Variants in USH1C observed in about 807,000 individuals in gnomAD.
The protein encoded by USH1C is USH1 protein network component harmonin.
USH1C carries 90 observed loss-of-function variants against 119.3 expected under a neutral mutation model. The observed-to-expected ratio is 0.75, with a 90% CI of 0.64 to 0.90. USH1C has a LOEUF of 0.90. Ranked by LOEUF, USH1C falls within the 40% of genes least tolerant of loss-of-function variation. The probability of loss-of-function intolerance (pLI) is 0.00; values close to 1 mark genes in which losing one functional copy is unlikely to be tolerated. For missense variants in USH1C, 1,165 were observed against 1,167.7 expected (o/e 1.00, Z 0.03); for synonymous variants, 465 against 443.3 (o/e 1.05, Z -0.62).
At position 17,498,192 on chromosome 11, in the gene USH1C, A is replaced by T. The variant is rs760474010; in HGVS notation, c.2460T>A (p.Ala820=). Residue 820 remains alanine, a synonymous_variant, in exon 24 of 27, where the codon GCT becomes GCA. Transcript: ENST00000005226. The part of the protein sequence containing the change: ...VTDYTLAEAE[A]ALQKAWNQGG... Reference sequence around the variant, plus strand: ...CCTGATTCCAGGCCTTCTGCAGGGCAGCCTCAGCCTCAGCCAGGGTGTAGT... The same window carrying T: ...CCTGATTCCAGGCCTTCTGCAGGGCTGCCTCAGCCTCAGCCAGGGTGTAGT... 1 of 1,614,064 alleles carries T rather than the reference A, an allele frequency of 6.2e-7. No homozygotes were observed. The highest frequency in any genetic ancestry group is 8.5e-7 in the Non-Finnish European group (1 of 1,179,948).
rs2133772801 is a variant in USH1C, at chr11:17,498,264, A to G, written c.2388T>C (p.Ile796=). The G allele has an allele frequency of 6.2e-7, 1 of 1,614,062 alleles. No homozygotes were observed. Among genetic ancestry groups the G allele is most frequent in the African/African-American group, 1.3e-5 (1 of 75,004 alleles). The change falls in exon 24 of 27, where the codon ATT becomes ATC. Residue 796 remains isoleucine, a synonymous_variant. Coordinates refer to ENST00000005226, the MANE Select transcript of USH1C (RefSeq NM_153676.4). ...TTGCCATGATCTCGTCCCCTTTCACAATGCCACCTGCAGGCAGATGAGGCT... is the reference window on the plus strand; with the variant it reads ...TTGCCATGATCTCGTCCCCTTTCACGATGCCACCTGCAGGCAGATGAGGCT... ...ERGAAERHGG[I]VKGDEIMAIN...
intron 19 of USH1C, among the ~76,000 whole-genome samples, chr11:17,505,326 T>A (rs975567338): frequency 6.6e-6 from 1 of 152,276 alleles, no homozygotes; most frequent in Non-Finnish European, 1.5e-5. Flanking sequence ...CCAGGGCACC[T>A]GGAATCTCTG....
chr11:17,539,840 T>C (rs1156320603), intron 1 of USH1C, among the ~76,000 whole-genome samples: 2 of 149,144 alleles, frequency 1.3e-5, no homozygotes, highest in African/African-American at 2.5e-5. Flanking sequence ...TTTCTTTTTT[T>C]TTTTTTTTTT....
At chr11:17,520,300 A>T (rs1377111590) in intron 14 of USH1C, among the ~76,000 whole-genome samples, 1 of 152,196 alleles carries the variant, frequency 6.6e-6, no homozygotes, top group Admixed American at 6.5e-5. Flanking sequence ...GCCCCAGGAC[A>T]GCACAGCCAC....
chr11:17,541,745 G>A (rs1851475337), intron 1 of USH1C, among the ~76,000 whole-genome samples: 1 of 152,220 alleles, frequency 6.6e-6, no homozygotes, highest in Admixed American at 6.5e-5. Context: ...AAAGGGAGTC[G>A]ATGCCTGGAG....
intron 26 of USH1C, chr11:17,495,185 C>T (rs1032426726): frequency 1.3e-5 from 4 of 308,646 alleles, no homozygotes; most frequent in African/African-American, 6.4e-5. Flanking sequence ...CAATTCCAGC[C>T]AGGCTTCCTG....
At chr11:17,536,683 G>C (rs572221772) in intron 1 of USH1C, among the ~76,000 whole-genome samples, 10 of 152,186 alleles carry the variant, frequency 6.6e-5, no homozygotes, top group Non-Finnish European at 1.3e-4. Context: ...CCTGTCCTCA[G>C]TTCTGCCATT....
chr11:17,503,507 C>T (rs1849525659), intron 20 of USH1C, among the ~76,000 whole-genome samples: 2 of 152,168 alleles, frequency 1.3e-5, no homozygotes, highest in African/African-American at 2.4e-5. Context: ...ATATTCACGC[C>T]CAAGGTCACC....
chr11:17,512,284 G>A (rs1849929718), intron 15 of USH1C, among the ~76,000 whole-genome samples: 1 of 152,054 alleles, frequency 6.6e-6, no homozygotes, highest in Non-Finnish European at 1.5e-5. Context: ...TGGCTTATTA[G>A]TTCACTAACT....
chr11:17,506,428 G>A (rs1179483322), intron 18 of USH1C, among the ~76,000 whole-genome samples: 2 of 152,188 alleles, frequency 1.3e-5, no homozygotes, highest in African/African-American at 2.4e-5. Flanking sequence ...GGGAGCTGAC[G>A]CAACCTGTCT....
At chr11:17,518,387 A>C (rs1850252617) in intron 14 of USH1C, among the ~76,000 whole-genome samples, 1 of 152,288 alleles carries the variant, frequency 6.6e-6, no homozygotes, top group South Asian at 2.1e-4. Context: ...TAGGGAGAGA[A>C]GGTTGGAGAT....
At chr11:17,534,451 C>T (rs1181428373) in intron 1 of USH1C, among the ~76,000 whole-genome samples, 4 of 152,196 alleles carry the variant, frequency 2.6e-5, no homozygotes, top group African/African-American at 4.8e-5. Flanking sequence ...TAAAATCAGA[C>T]TGAGCATTTC....
chr11:17,505,701 T>G, intron 19 of USH1C, 129 bp downstream of exon 19: 1 of 1,376,778 alleles, frequency 7.3e-7, no homozygotes, highest in Non-Finnish European at 1.0e-6. Context: ...AATAAGAAGG[T>G]TAAGAGATGG....
At chr11:17,504,623 GAC>G in intron 20 of USH1C, 22 bp downstream of exon 20, 1 of 1,613,716 alleles carries the variant, frequency 6.2e-7, no homozygotes, top group South Asian at 1.1e-5. Context: ...GAGACCTCCA[GAC>G]ACACAATGGG....
chr11:17,522,594 G>A (rs890605771), intron 12 of USH1C, among the ~76,000 whole-genome samples, 190 bp downstream of exon 12: 2 of 152,190 alleles, frequency 1.3e-5, no homozygotes, highest in African/African-American at 4.8e-5. Context: ...TCAGCAAGGA[G>A]GAAGGAGCCA....
chr11:17,543,145 A>G (rs971885691), intron 1 of USH1C, among the ~76,000 whole-genome samples: 1 of 151,884 alleles, frequency 6.6e-6, no homozygotes, highest in Non-Finnish European at 1.5e-5. Context: ...TGAATAACTG[A>G]CCCCGGGCCC....
At chr11:17,524,659 C>T (rs572954533) in intron 8 of USH1C, 124 bp from the exon 9 acceptor site, 6 of 1,065,900 alleles carry the variant, frequency 5.6e-6, no homozygotes, top group East Asian at 2.6e-5. Context: ...CCTCTGTGTC[C>T]CTCTCCAGCC....
chr11:17,497,943 CT>C (rs1244418198), intron 24 of USH1C, among the ~76,000 whole-genome samples: 3 of 152,202 alleles, frequency 2.0e-5, no homozygotes, highest in Non-Finnish European at 4.4e-5. Flanking sequence ...AAGCCACTGG[CT>C]TTTTGGATCC....
At chr11:17,516,313 T>C (rs775711452) in intron 14 of USH1C, 23 bp from the exon 15 acceptor site, 1 of 1,609,806 alleles carries the variant, frequency 6.2e-7, no homozygotes, top group Admixed American at 1.7e-5. Flanking sequence ...GATAACAAAA[T>C]GATGAGACAC....
Sources: gnomAD v4.1 joint callset for allele counts (sites outside exome capture counted in the v4.1 genomes callset) on GRCh38, gnomAD v4.1.1 for gene constraint, MANE v1.5 for transcripts, NCBI Gene and HGNC (gene_info 2026-07-23, HGNC 2026-07-21) for gene names.